The following PIWIL2 variants were observed in gnomAD, a reference collection of about 807,000 sequenced individuals.
PIWIL2 encodes piwi-like protein 2.
PIWIL2 carries 81 observed loss-of-function variants against 116.5 expected under a neutral mutation model. That is an observed-to-expected ratio of 0.70 (90% confidence interval 0.58 to 0.84). The LOEUF (loss-of-function observed/expected upper bound fraction) is 0.84, where lower values mean the gene tolerates loss of function less well. PIWIL2 is among the 40% of genes least tolerant of loss of function. PIWIL2 has a pLI of 0.00. For missense variants in PIWIL2, 1,272 were observed against 1,212.3 expected, an observed-to-expected ratio of 1.05 and a Z score of -0.73; for synonymous variants, 489 against 429.5, an observed-to-expected ratio of 1.14 and a Z score of -1.71.
chr8:22,284,213 G>A lies in PIWIL2; in HGVS notation c.684G>A (p.Leu228=), dbSNP rs1830580580. The A allele has an allele frequency of 1.2e-6, 2 of 1,608,004 alleles. No individual in the cohort carries two copies. The highest frequency in any genetic ancestry group is 4.5e-5 in the East Asian group (2 of 44,726). Residue 228 remains leucine (L), a synonymous_variant, in exon 6 of 23, where the codon CTG becomes CTA. Transcript: ENST00000356766. The part of the protein sequence containing the change: ...GSKGTPQSLG[L]NLVKIQCHNE... ...AAGGAACACCTCAGTCTTTGGGACT[G>A]AACCTCGTCAAAATACAGTGTCATA...
At chr8:22,346,504 G>A (rs1053177629) in intron 20 of PIWIL2, among the ~76,000 whole-genome samples, 4 of 152,104 alleles carry the variant, frequency 2.6e-5, no homozygotes, top group African/African-American at 9.7e-5. Flanking sequence ...GAGTTGTAGG[G>A]CTTCTCAGAA....
chr8:22,302,985 T>C (rs1720889941), intron 10 of PIWIL2, among the ~76,000 whole-genome samples: 1 of 152,230 alleles, frequency 6.6e-6, no homozygotes, highest in Admixed American at 6.5e-5. Context: ...TGGCTTGCCA[T>C]GGGTTCCCAT....
chr8:22,347,886 A>C (rs2132106814), intron 20 of PIWIL2, among the ~76,000 whole-genome samples: 1 of 150,552 alleles, frequency 6.6e-6, no homozygotes, highest in East Asian at 2.0e-4. Flanking sequence ...AATCTCTTAC[A>C]CTCCTCTGTT....
chr8:22,328,626 T>C (rs1831782318), intron 20 of PIWIL2, among the ~76,000 whole-genome samples: 1 of 152,148 alleles, frequency 6.6e-6, no homozygotes, highest in African/African-American at 2.4e-5. Context: ...TTTTGTAGTT[T>C]CCATGTATAA....
chr8:22,327,022 T>A (rs573295435), intron 20 of PIWIL2, among the ~76,000 whole-genome samples: 2 of 129,432 alleles, frequency 1.5e-5, no homozygotes, highest in South Asian at 5.0e-4. Flanking sequence ...TCTGTTTTTT[T>A]ACTTTTTTTT....
At chr8:22,281,732 A>G (rs991852518) in intron 4 of PIWIL2, among the ~76,000 whole-genome samples, 4 of 146,064 alleles carry the variant, frequency 2.7e-5, no homozygotes, top group Admixed American at 2.7e-4. Context: ...TCAAAAATTC[A>G]TTTGTCCTCT....
intron 20 of PIWIL2, among the ~76,000 whole-genome samples, chr8:22,344,695 C>G (rs776301734): frequency 1.3e-5 from 2 of 151,948 alleles, no homozygotes; most frequent in Non-Finnish European, 2.9e-5. Context: ...AGGGAGACCC[C>G]TATCTCTACA....
chr8:22,308,647 C>G (rs549979334), intron 14 of PIWIL2, among the ~76,000 whole-genome samples: 1 of 151,964 alleles, frequency 6.6e-6, no homozygotes, highest in East Asian at 1.9e-4. Context: ...AGGGAGAATC[C>G]ATCTCAAAAA....
chr8:22,347,420 T>C (rs1459393141), intron 20 of PIWIL2, among the ~76,000 whole-genome samples: 1 of 151,738 alleles, frequency 6.6e-6, no homozygotes, highest in Non-Finnish European at 1.5e-5. Flanking sequence ...GGCTTCACCA[T>C]GTTAGCCAGG....
intron 10 of PIWIL2, among the ~76,000 whole-genome samples, chr8:22,294,065 C>T (rs146949895): frequency 5.9e-5 from 9 of 152,142 alleles, no homozygotes; most frequent in Non-Finnish European, 1.2e-4. Context: ...TGGCCAGATG[C>T]GGTGGCTCAC....
chr8:22,283,857 G>A (rs923030131), intron 5 of PIWIL2, among the ~76,000 whole-genome samples: 8 of 152,164 alleles, frequency 5.3e-5, no homozygotes, highest in South Asian at 2.1e-4. Flanking sequence ...GAAGAATATC[G>A]TGACGCTTCA....
At position 22,295,584 on chromosome 8, in the gene PIWIL2, G is replaced by T. The variant is rs548249881; in HGVS notation, c.1181+5238G>T. On this transcript the variant is annotated intron_variant, in intron 10 of 22. Transcript: ENST00000356766. ...GTTATGTCACACATGGACCCTCTCA[G>T]TGTAGCTGCTCAGCCCCGAGAGCAT... Among the ~76,000 whole-genome samples the T allele has an allele frequency of 3.3e-5, 5 of 152,146 alleles. No homozygotes were observed. In the South Asian group the frequency reaches 1.0e-3, roughly 32 times the overall value.
intron 20 of PIWIL2, among the ~76,000 whole-genome samples, chr8:22,329,345 G>A (rs1413618262): frequency 2.0e-5 from 3 of 152,200 alleles, no homozygotes; most frequent in Non-Finnish European, 4.4e-5. Flanking sequence ...TCATGGTTCT[G>A]CAGGCTTTAC....
rs1039641889 is a variant in PIWIL2, at chr8:22,355,836, G to C, written c.*331G>C. The C allele has an allele frequency of 8.0e-6, 2 of 250,622 alleles. No individual in the cohort carries two copies. The highest frequency in any genetic ancestry group is 4.4e-5 in the Admixed American group (1 of 22,500). The allele number at this position is 250,622 out of a possible 1,614,324, so 15.5% of individuals were successfully genotyped here. A position where few individuals can be genotyped will look rare whatever the true frequency, so the allele number is the denominator to read the frequency against. On this transcript the variant is annotated 3_prime_UTR_variant, in exon 23 of 23. Transcript: ENST00000356766. ...CACCTGTAATCCAAGCACTTTGGGA[G>C]GCCGAGGCGGGTGGATCATGAGGTC...
intron 20 of PIWIL2, among the ~76,000 whole-genome samples, chr8:22,329,110 A>G (rs1292025718): frequency 4.6e-5 from 7 of 151,990 alleles, no homozygotes; most frequent in African/African-American, 1.7e-4. Context: ...TTTTTCATAA[A>G]TTTCCTTTAT....
chr8:22,298,149 C>T (rs1236161297), intron 10 of PIWIL2, among the ~76,000 whole-genome samples: 2 of 151,828 alleles, frequency 1.3e-5, no homozygotes, highest in African/African-American at 4.8e-5. Flanking sequence ...CCCAGCTACT[C>T]GGGAGGCCGA....
At chr8:22,344,673 C>A (rs1348350086) in intron 20 of PIWIL2, among the ~76,000 whole-genome samples, 5 of 151,806 alleles carry the variant, frequency 3.3e-5, no homozygotes, top group African/African-American at 9.7e-5. Context: ...TTTGAGACTG[C>A]CTGGGCCACA....
chr8:22,320,581 G>A (rs2132062180), intron 20 of PIWIL2, among the ~76,000 whole-genome samples: 1 of 149,850 alleles, frequency 6.7e-6, no homozygotes, highest in South Asian at 2.1e-4. Context: ...CTGGCCTGCT[G>A]TGGCCATTTT....
rs200593820 is a variant in PIWIL2 at position 22,287,603 on chromosome 8, G to A, written c.819G>A (p.Ala273=). The change falls in exon 7 of 23, where the codon GCG becomes GCA. Residue 273 remains alanine (A), a synonymous_variant. Transcript: ENST00000356766. ...DHQAVTGNVT[A]FDGSILYLPV... ...AAGCTGTCACCGGCAACGTCACTGC[G>A]TTTGATGGATCTATTCTCTATCTGC... 3.5e-5 allele frequency: 57 copies of A among 1,613,290 alleles called. No homozygotes were observed. The African/African-American group carries it at 5.1e-4, about 14-fold the overall frequency.
Sources: gnomAD v4.1 joint callset for allele counts (sites outside exome capture counted in the v4.1 genomes callset) on GRCh38, gnomAD v4.1.1 for gene constraint, MANE v1.5 for transcripts, NCBI Gene and HGNC (gene_info 2026-07-23, HGNC 2026-07-21) for gene names.